Variants in ARHGEF3 observed in about 807,000 individuals in gnomAD.
ARHGEF3 encodes the protein Rho guanine nucleotide exchange factor 3, also known as 59.8 kDA protein.
A neutral mutation model predicts 63.2 loss-of-function variants in ARHGEF3; 28 were observed. The ratio of observed to expected loss-of-function variants is 0.44; its 90% CI spans 0.33 to 0.61. ARHGEF3 has a LOEUF of 0.61. ARHGEF3 is among the 20% of genes least tolerant of loss of function. The pLI is 0.03. For synonymous variants in ARHGEF3, 266 were observed against 254.2 expected, an observed-to-expected ratio of 1.05 and a Z score of -0.44; for missense variants, 533 against 659.3, an observed-to-expected ratio of 0.81 and a Z score of 2.10.
chr3:56,837,823 T>G (rs1411302849), intron 4 of ARHGEF3, among the ~76,000 whole-genome samples: 1 of 152,200 alleles, frequency 6.6e-6, no homozygotes, highest in Admixed American at 6.5e-5. Context: ...CTGTTTCCTG[T>G]GCCATCATGT....
intron 2 of ARHGEF3, among the ~76,000 whole-genome samples, chr3:56,996,407 T>C (rs1490808281): frequency 6.6e-6 from 1 of 152,236 alleles, no homozygotes; most frequent in Non-Finnish European, 1.5e-5. Flanking sequence ...CCAAAATTCA[T>C]GGGTTGAAAC....
chr3:56,999,491 G>C (rs551848567), intron 2 of ARHGEF3, among the ~76,000 whole-genome samples: 1 of 152,118 alleles, frequency 6.6e-6, no homozygotes, highest in Non-Finnish European at 1.5e-5. Flanking sequence ...TCGTGAAGTG[G>C]GAAGAAATAA....
chr3:56,817,359 G>A (rs17288922), intron 4 of ARHGEF3, among the ~76,000 whole-genome samples: 25,888 of 152,072 alleles, frequency 0.17, 2,302 homozygotes, highest in South Asian at 0.29. Flanking sequence ...CAAAACCCAG[G>A]AACCAACCAA....
chr3:56,882,622 G>A (rs535847989), intron 3 of ARHGEF3, among the ~76,000 whole-genome samples: 120 of 147,704 alleles, frequency 8.1e-4, no homozygotes, highest in African/African-American at 2.7e-3. Context: ...CGGTTCAAGC[G>A]ATTCTCCTGC....
chr3:56,944,568 C>CTTTTTTTTTTTTTTTTTTT (rs1205155655), intron 3 of ARHGEF3, among the ~76,000 whole-genome samples: 1 of 65,836 alleles, frequency 1.5e-5, no homozygotes, highest in Non-Finnish European at 2.7e-5. Flanking sequence ...AAAGTGGTTT[C>CTTTTTTTTTTTTTTTTTTT]TTTTTTTTTT....
chr3:57,025,307 T>G (rs1703427674), intron 2 of ARHGEF3, among the ~76,000 whole-genome samples: 2 of 152,120 alleles, frequency 1.3e-5, no homozygotes, highest in Admixed American at 1.3e-4. Context: ...TTCAGAGCTG[T>G]GAAAAACCAT....
intron 4 of ARHGEF3, among the ~76,000 whole-genome samples, chr3:56,879,876 C>T (rs1489331037): frequency 6.6e-6 from 1 of 152,200 alleles, no homozygotes; most frequent in East Asian, 1.9e-4. Flanking sequence ...TATGGCAAAA[C>T]ATCTTCTCCT....
chr3:56,968,864 G>A (rs1286015340), intron 2 of ARHGEF3, among the ~76,000 whole-genome samples: 1 of 152,162 alleles, frequency 6.6e-6, no homozygotes, highest in Non-Finnish European at 1.5e-5. Flanking sequence ...CATGTGGCAT[G>A]TGGCCATCAT....
intron 2 of ARHGEF3, among the ~76,000 whole-genome samples, chr3:57,014,217 C>A: frequency 6.6e-6 from 1 of 152,324 alleles, no homozygotes; most frequent in East Asian, 1.9e-4. Context: ...CCAAACACGT[C>A]TGAATATCCG....
At chr3:57,028,637 A>G (rs1266067838) in intron 2 of ARHGEF3, among the ~76,000 whole-genome samples, 10 of 143,894 alleles carry the variant, frequency 6.9e-5, no homozygotes, top group African/African-American at 2.6e-4. Context: ...GCACATGTAT[A>G]CATATGTAAC....
chr3:56,812,671 C>T (rs986292022), intron 4 of ARHGEF3, among the ~76,000 whole-genome samples: 6 of 152,188 alleles, frequency 3.9e-5, no homozygotes, highest in Admixed American at 3.9e-4. Flanking sequence ...AAGGGGCTGA[C>T]TTTTAAGGGA....
intron 1 of ARHGEF3, among the ~76,000 whole-genome samples, chr3:57,043,396 T>C (rs71309997): frequency 0.11 from 15,971 of 152,006 alleles, 1,005 homozygotes; most frequent in South Asian, 0.16. Context: ...ATTACAGGCA[T>C]GAGCCACAGC....
Position 56,782,643 on chromosome 3 carries a change from C to A in ARHGEF3, c.97-8827G>T, listed in dbSNP as rs1207832179. Among the ~76,000 whole-genome samples the A allele has an allele frequency of 1.3e-4, 11 of 82,660 alleles. No individual in the cohort carries two copies. The Admixed American group carries it at 1.7e-3, about 13-fold the overall frequency. The allele number at this position is 82,660 out of a possible 152,430, so 54.2% of individuals were successfully genotyped here. ...TGCTATGAGGAAAAGATCCCAATTT[C>A]CTTCTTAAAAAAAAAAAAAAAGCTG... On this transcript the variant is annotated intron_variant, in intron 1 of 9. Coordinates refer to ENST00000296315, the MANE Select transcript of ARHGEF3 (RefSeq NM_019555.3).
intron 2 of ARHGEF3, among the ~76,000 whole-genome samples, chr3:56,978,120 C>T (rs1002506841): frequency 6.6e-5 from 10 of 152,178 alleles, no homozygotes; most frequent in Non-Finnish European, 1.2e-4. Context: ...TACTAGGCTA[C>T]ATGGCTTCTC....
chr3:56,816,502 A>G (rs1294434471), intron 4 of ARHGEF3, among the ~76,000 whole-genome samples: 1 of 152,210 alleles, frequency 6.6e-6, no homozygotes, highest in Non-Finnish European at 1.5e-5. Context: ...GTACGCTCCA[A>G]AAGAATCATG....
At chr3:56,874,323 G>A (rs900460970) in intron 4 of ARHGEF3, among the ~76,000 whole-genome samples, 1 of 152,156 alleles carries the variant, frequency 6.6e-6, no homozygotes, top group Non-Finnish European at 1.5e-5. Context: ...TGGTCTCCTC[G>A]GTGATAAGAG....
At chr3:56,957,237 T>C (rs997716933) in intron 3 of ARHGEF3, among the ~76,000 whole-genome samples, 2 of 152,256 alleles carry the variant, frequency 1.3e-5, no homozygotes, top group Non-Finnish European at 2.9e-5. Flanking sequence ...AAAAAGCATA[T>C]TGTAACCTGA....
chr3:56,842,111 A>G lies in ARHGEF3; in HGVS notation c.192+40181T>C, dbSNP rs147127201. On this transcript the variant is annotated intron_variant, in intron 4 of 12. Transcript: ENST00000338458. The stretch of plus-strand genomic sequence containing the variant: ...TAAGAAGGTTAAGTTCTCGGTTACC[A>G]AGTTAGTTATGGAGGCAAAATTTGA... 2.9e-3 allele frequency among the ~76,000 whole-genome samples: 442 copies of G among 152,310 alleles called. 2 individuals are homozygous for G. The highest frequency in any genetic ancestry group is 0.01 in the African/African-American group (426 of 41,560).
chr3:56,763,958 G>C (rs1413193521), intron 2 of ARHGEF3, among the ~76,000 whole-genome samples: 1 of 152,050 alleles, frequency 6.6e-6, no homozygotes, highest in African/African-American at 2.4e-5. Flanking sequence ...AAGAAACACG[G>C]TCAGTTGACG....
Sources: gnomAD v4.1 joint callset for allele counts (sites outside exome capture counted in the v4.1 genomes callset) on GRCh38, gnomAD v4.1.1 for gene constraint, MANE v1.5 for transcripts, NCBI Gene and HGNC (gene_info 2026-07-23, HGNC 2026-07-21) for gene names.